The following KLHL24 variants were observed in gnomAD, a reference collection of about 807,000 sequenced individuals.
KLHL24 encodes kelch like family member 24, also known as kelch-like protein 24.
KLHL24 carries 29 observed loss-of-function variants against 53.4 expected under a neutral mutation model. That is an observed-to-expected ratio of 0.54 (90% confidence interval 0.40 to 0.74). The LOEUF is 0.74. KLHL24 is among the 30% of genes least tolerant of loss of function. KLHL24 has a pLI of 0.00. For synonymous variants in KLHL24, 222 were observed against 253.7 expected (o/e 0.88, Z 1.19); for missense variants, 504 against 744.0 (o/e 0.68, Z 3.75).
chr3:183,654,073 A>C (rs1441696961), intron 3 of KLHL24, among the ~76,000 whole-genome samples: 3 of 152,130 alleles, frequency 2.0e-5, no homozygotes, highest in Non-Finnish European at 4.4e-5. Context: ...CACTCTACTG[A>C]AACTCCTCTC....
rs569723103 is a variant in KLHL24, at chr3:183,672,461, G to C, written c.1579G>C (p.Val527Leu). 8 of 1,609,164 alleles carry C rather than the reference G, an allele frequency of 5.0e-6. No individual in the cohort carries two copies. Among genetic ancestry groups the C allele is most frequent in the South Asian group, 4.4e-5 (4 of 90,384 alleles). The change falls in exon 7 of 8, where the codon GTA becomes CTA. Residue 527 changes from valine (V) to leucine (L), a missense_variant. Val to Leu is a conservative substitution (Grantham distance 32). Coordinates refer to ENST00000242810, the MANE Select transcript of KLHL24 (RefSeq NM_017644.3). ...TCCAGTTGAAGATTACTGGATGCACGTACAGAATACATTCAGCCGTCAGGT... is the reference window on the plus strand; with the variant it reads ...TCCAGTTGAAGATTACTGGATGCACCTACAGAATACATTCAGCCGTCAGGT... The part of the protein sequence containing the change: ...YDPVEDYWMH[V>L]QNTFSRQENC...
chr3:183,672,124 AT>A, intron 6 of KLHL24, among the ~76,000 whole-genome samples, 171 bp from the exon 7 acceptor site: 1 of 152,190 alleles, frequency 6.6e-6, no homozygotes, highest in South Asian at 2.1e-4. Context: ...TTTGCATTTT[AT>A]TTGAGAATGT....
chr3:183,673,411 T>C (rs1429902126), intron 7 of KLHL24, among the ~76,000 whole-genome samples: 1 of 152,180 alleles, frequency 6.6e-6, no homozygotes, highest in East Asian at 1.9e-4. Context: ...TCTTGACTTT[T>C]TTCACAATCC....
Position 183,681,840 on chromosome 3 carries a change from C to T in KLHL24, c.*2554C>T, listed in dbSNP as rs986623622. ...TCAGATTGTATTCATTCTCTCATCACATAAAGATTTTTCTTTTGATAGGTG... is the reference window on the plus strand; with the variant it reads ...TCAGATTGTATTCATTCTCTCATCATATAAAGATTTTTCTTTTGATAGGTG... On this transcript the variant is annotated 3_prime_UTR_variant, in exon 8 of 8. Transcript: ENST00000242810. The T allele has an allele frequency of 1.3e-4, 20 of 152,174 alleles. No homozygotes were observed. Among genetic ancestry groups the T allele is most frequent in the African/African-American group, 4.4e-4 (18 of 41,182 alleles). 9.4% of individuals were successfully genotyped at this position (152,174 alleles called of 1,614,324 possible). A position where few individuals can be genotyped will look rare whatever the true frequency, so the allele number is the denominator to read the frequency against.
chr3:183,649,487 C>T (rs1457250491), intron 2 of KLHL24, among the ~76,000 whole-genome samples: 2 of 146,930 alleles, frequency 1.4e-5, no homozygotes, highest in Non-Finnish European at 3.0e-5. Flanking sequence ...ATAAATCTGT[C>T]GACATAATTC....
Position 183,651,204 on chromosome 3 carries a change from A to T in KLHL24, c.848A>T (p.Gln283Leu). 1 of 1,614,188 alleles carries T rather than the reference A, an allele frequency of 6.2e-7. No individual in the cohort carries two copies. The highest frequency in any genetic ancestry group is 8.5e-7 in the Non-Finnish European group (1 of 1,180,024). The change falls in exon 3 of 8, where the codon CAG becomes CTG. Residue 283 changes from glutamine (Q) to leucine (L), a missense_variant. Gln to Leu is a moderately radical substitution (Grantham distance 113). Coordinates refer to ENST00000242810, the MANE Select transcript of KLHL24 (RefSeq NM_017644.3). ...QLIQNSPECY[Q>L]LLHEARRYHI... ...ATCCAGAATTCTCCTGAGTGTTATCAGTTGTTGCATGAAGCAAGACGGTAC... is the reference window on the plus strand; with the variant it reads ...ATCCAGAATTCTCCTGAGTGTTATCTGTTGTTGCATGAAGCAAGACGGTAC...
In KLHL24 at chr3:183,651,123, G is replaced by A; in HGVS notation, c.767G>A (p.Arg256Lys). 6.2e-7 allele frequency: 1 copy of A among 1,614,156 alleles called. No individual in the cohort carries two copies. Among genetic ancestry groups the A allele is most frequent in the Non-Finnish European group, 8.5e-7 (1 of 1,180,022 alleles). The change falls in exon 3 of 8, where the codon AGA (arginine) becomes AAA (lysine). Residue 256 changes from arginine to lysine, a missense_variant. Transcript: ENST00000242810. ...PLLHELLTHV[R>K]LPLLHPNYFV... ...TTACACGAGCTCCTGACACATGTGA[G>A]ACTCCCTCTGTTGCATCCCAACTAC...
chr3:183,683,647 A>T lies in KLHL24; in HGVS notation c.*4361A>T, dbSNP rs1005806456. ...TTTTACATTTGTGTGATTGCCTTAG[A>T]TATTAAATTTTCCTAGTGCTGATAA... On this transcript the variant is annotated 3_prime_UTR_variant, in exon 8 of 8. Coordinates refer to ENST00000242810, the MANE Select transcript of KLHL24 (RefSeq NM_017644.3). 1 of 152,630 alleles carries T rather than the reference A, an allele frequency of 6.6e-6. No individual in the cohort carries two copies. Among genetic ancestry groups the T allele is most frequent in the African/African-American group, 2.4e-5 (1 of 41,460 alleles). 9.5% of individuals were successfully genotyped at this position (152,630 alleles called of 1,614,324 possible).
rs747732960 is a variant in KLHL24 at position 183,663,630 on chromosome 3, A to G, written c.1093A>G (p.Ile365Val). The stretch of plus-strand genomic sequence containing the variant: ...TGCAGTCTGTGCTCTAAGGAATGAC[A>G]TTCTTGTTTCAGGTAAATATAGAAT... ...EYAVCALRND[I>V]LVSGGRINSR... The change falls in exon 4 of 8, where the codon ATT becomes GTT. Residue 365 changes from isoleucine (I) to valine (V), a missense_variant. Coordinates refer to ENST00000242810, the MANE Select transcript of KLHL24 (RefSeq NM_017644.3). This position sits in a 1 kb window ranked among gnomAD's most constrained non-coding sequence, Gnocchi z 4.9. 3 of 1,540,560 alleles carry G rather than the reference A, an allele frequency of 1.9e-6. No homozygotes were observed. The East Asian group carries it at 7.0e-5, about 36-fold the overall frequency.
chr3:183,648,504 CT>C (rs11359454), intron 2 of KLHL24, among the ~76,000 whole-genome samples: 50,852 of 151,868 alleles, frequency 0.33, 9,360 homozygotes, highest in African/African-American at 0.49. Context: ...CTTCTTTTTG[CT>C]TGCCAGTCTT....
chr3:183,655,007 G>T (rs1718649132), intron 3 of KLHL24, among the ~76,000 whole-genome samples: 1 of 152,196 alleles, frequency 6.6e-6, no homozygotes, highest in Non-Finnish European at 1.5e-5. Context: ...CTGGTTTAGG[G>T]TGGTGGCAGT....
rs1360388062 is a variant in KLHL24, at chr3:183,679,191, A to G, written c.1708A>G (p.Ser570Gly). 1 of 1,614,024 alleles carries G rather than the reference A, an allele frequency of 6.2e-7. No homozygotes were observed. The highest frequency in any genetic ancestry group is 8.5e-7 in the Non-Finnish European group (1 of 1,179,888). Residue 570 changes from serine (S) to glycine (G), a missense_variant, in exon 8 of 8, where the codon AGT (serine) becomes GGT (glycine). Physicochemically the swap from Ser to Gly is moderately conservative, Grantham distance 56 (BLOSUM62 0). Coordinates refer to ENST00000242810, the MANE Select transcript of KLHL24 (RefSeq NM_017644.3). ...DTILCYDPAT[S>G]IITGVAAMPR... ...TATTCTCTGTTATGATCCTGCAACA[A>G]GTATCATCACAGGGGTAGCTGCAAT... is the stretch of plus-strand genomic sequence containing the variant.
In KLHL24 at chr3:183,664,918, A is replaced by G. The variant is rs1720312386; in HGVS notation, c.1106-3A>G. On this transcript the variant is annotated splice_region_variant and splice_polypyrimidine_tract_variant and intron_variant, in intron 4 of 7. Transcript: ENST00000242810. ...TCGTGTGTGCATTGTTTTGCATTTCAAGGTGGAAGAATCAACAGCCGTGAT... is the reference window on the plus strand; with the variant it reads ...TCGTGTGTGCATTGTTTTGCATTTCGAGGTGGAAGAATCAACAGCCGTGAT... The G allele has an allele frequency of 1.3e-6, 2 of 1,568,902 alleles. No individual in the cohort carries two copies. The highest frequency in any genetic ancestry group is 1.8e-6 in the Non-Finnish European group (2 of 1,141,550).
chr3:183,653,356 G>A (rs1270240237), intron 3 of KLHL24, among the ~76,000 whole-genome samples: 1 of 152,174 alleles, frequency 6.6e-6, no homozygotes, highest in East Asian at 1.9e-4. Context: ...TTAGGAGACT[G>A]GAGAGACCAC....
Position 183,671,082 on chromosome 3 carries a change from G to A in KLHL24, c.1273G>A (p.Glu425Lys). ...TGGGCAAAACAGACTTAGCAGCGTA[G>A]AATGTTATGATTCCTTTTCAAATCG... is the stretch of plus-strand genomic sequence containing the variant. ...YDGQNRLSSV[E>K]CYDSFSNRWT... Residue 425 changes from glutamate to lysine, a missense_variant, in exon 6 of 8, where the codon GAA becomes AAA. Transcript: ENST00000242810. The A allele has an allele frequency of 6.2e-7, 1 of 1,614,056 alleles. No homozygotes were observed. Among genetic ancestry groups the A allele is most frequent in the Non-Finnish European group, 8.5e-7 (1 of 1,179,956 alleles).
chr3:183,676,398 A>G (rs1299268910), intron 7 of KLHL24, among the ~76,000 whole-genome samples: 4 of 152,214 alleles, frequency 2.6e-5, no homozygotes, highest in Non-Finnish European at 2.9e-5. Context: ...ACCTGGCCTT[A>G]TGCACATGTT....
In KLHL24 at chr3:183,682,937, G is replaced by A. The variant is rs201388675; in HGVS notation, c.*3651G>A. 10 of 120,432 alleles carry A rather than the reference G, an allele frequency of 8.3e-5. No homozygotes were observed. The highest frequency in any genetic ancestry group is 1.7e-4 in the Admixed American group (2 of 11,682). 7.5% of individuals were successfully genotyped at this position (120,432 alleles called of 1,614,324 possible). ...ATCTACTTCAAACTGTATTTTTTTC[G>A]TTTTTTTTTTTTTTTGGGGAAGGGG... On this transcript the variant is annotated 3_prime_UTR_variant, in exon 8 of 8. Coordinates refer to ENST00000242810, the MANE Select transcript of KLHL24 (RefSeq NM_017644.3).
intron 3 of KLHL24, among the ~76,000 whole-genome samples, chr3:183,659,801 T>C (rs1254603607): frequency 6.6e-6 from 1 of 152,226 alleles, no homozygotes; most frequent in Non-Finnish European, 1.5e-5. Flanking sequence ...TCTCCTTCTC[T>C]TGGGGAGACA....
chr3:183,655,172 A>T (rs1245320165), intron 3 of KLHL24, among the ~76,000 whole-genome samples: 2 of 152,198 alleles, frequency 1.3e-5, no homozygotes, highest in Non-Finnish European at 2.9e-5. Flanking sequence ...AAATCCCGAA[A>T]ATGCATTATA....
Sources: gnomAD v4.1 joint callset for allele counts (sites outside exome capture counted in the v4.1 genomes callset) on GRCh38, gnomAD v4.1.1 for gene constraint, Gnocchi (gnomAD v3.1) non-coding constraint, MANE v1.5 for transcripts, NCBI Gene and HGNC (gene_info 2026-07-23, HGNC 2026-07-21) for gene names.